The following PRKCA variants were observed in gnomAD, a reference collection of about 807,000 sequenced individuals.
PRKCA encodes protein kinase C alpha type.
Under a neutral mutation model 87.0 loss-of-function variants are expected in PRKCA, and 27 were observed. That is an observed-to-expected ratio of 0.31 (90% CI 0.23 to 0.43). The LOEUF (loss-of-function observed/expected upper bound fraction) is 0.43. Ranked by LOEUF, PRKCA falls within the 20% of genes least tolerant of loss-of-function variation. The pLI, the probability that PRKCA is intolerant of heterozygous loss-of-function variation, is 1.00. For missense variants in PRKCA, 518 were observed against 852.3 expected (o/e 0.61, Z 4.88); for synonymous variants, 329 against 311.1 (o/e 1.06, Z -0.61).
At chr17:66,474,266 C>A (rs1363047025) in intron 2 of PRKCA, among the ~76,000 whole-genome samples, 1 of 152,166 alleles carries the variant, frequency 6.6e-6, no homozygotes, top group Non-Finnish European at 1.5e-5. Context: ...TCAGAACTTT[C>A]CAGTGACATT....
intron 3 of PRKCA, among the ~76,000 whole-genome samples, chr17:66,626,304 C>T (rs1970853988): frequency 2.0e-5 from 3 of 151,454 alleles, no homozygotes; most frequent in African/African-American, 7.3e-5. Flanking sequence ...CTTCCCACCT[C>T]AGCCTCCCAA....
chr17:66,333,928 AATATAAAGTGTAAAAAAGTGC>A (rs1906504961), intron 2 of PRKCA, among the ~76,000 whole-genome samples: 1 of 152,166 alleles, frequency 6.6e-6, no homozygotes, highest in Non-Finnish European at 1.5e-5. Flanking sequence ...TAGAACACCT[AATATAAAGTGTAAAAAAGTGC>A]AAATAAAGTG....
At chr17:66,778,272 G>A (rs538678550) in intron 14 of PRKCA, 43 of 920,558 alleles carry the variant, frequency 4.7e-5, no homozygotes, top group East Asian at 1.2e-4. Flanking sequence ...CCAGCACTTC[G>A]GGAGGCCGAG....
rs773919783 is a variant in PRKCA, at chr17:66,404,742, CTTTTTTT to C, written c.206-91438_206-91432del. Among the ~76,000 whole-genome samples, 319 of 54,214 alleles carry C rather than the reference CTTTTTTT, an allele frequency of 5.9e-3. 3 individuals carry two copies. Among genetic ancestry groups the C allele is most frequent in the South Asian group, 9.7e-3 (9 of 932 alleles). The allele number at this position is 54,214 out of a possible 152,430, so 35.6% of individuals were successfully genotyped here. On this transcript the variant is annotated intron_variant, in intron 2 of 16. Transcript: ENST00000413366. ...CTGGCTGCTGGAAAGGATGGTAGGC[CTTTTTTT>C]TTTTTTTTTTTTTTTTTTTTGAGAC... is the stretch of plus-strand genomic sequence containing the variant.
intron 2 of PRKCA, among the ~76,000 whole-genome samples, chr17:66,382,052 C>T (rs1909800658): frequency 6.6e-6 from 1 of 152,034 alleles, no homozygotes; most frequent in African/African-American, 2.4e-5. Flanking sequence ...TTATGGGAAA[C>T]TTTTAGATGT....
chr17:66,360,990 A>G (rs1908356210), intron 2 of PRKCA, among the ~76,000 whole-genome samples: 1 of 151,960 alleles, frequency 6.6e-6, no homozygotes, highest in African/African-American at 2.4e-5. Context: ...GTGATTAAAA[A>G]TAGAAAAGTG....
chr17:66,387,199 A>C (rs891031498), intron 2 of PRKCA, among the ~76,000 whole-genome samples: 8 of 152,224 alleles, frequency 5.3e-5, no homozygotes, highest in Non-Finnish European at 1.2e-4. Flanking sequence ...GTAGGGCTAG[A>C]GGGCAACTGC....
chr17:66,422,346 A>G (rs1912543430), intron 2 of PRKCA, among the ~76,000 whole-genome samples: 2 of 152,156 alleles, frequency 1.3e-5, no homozygotes, highest in South Asian at 4.1e-4. Flanking sequence ...TCAGTTAATA[A>G]TTATTTGATG....
intron 3 of PRKCA, among the ~76,000 whole-genome samples, chr17:66,637,209 C>T (rs557810114): frequency 9.8e-4 from 149 of 152,230 alleles, no homozygotes; most frequent in Non-Finnish European, 1.5e-3. Context: ...TATGTGACAA[C>T]CAACTGGTAT....
rs1052791791 is a variant in PRKCA, at chr17:66,806,391, C to T, written c.*2354C>T. ...TCTGCCATCTTTTATGCACCATAGACATCGAGACTCCAGGGGGTCCTGGCT... is the reference window on the plus strand; with the variant it reads ...TCTGCCATCTTTTATGCACCATAGATATCGAGACTCCAGGGGGTCCTGGCT... On this transcript the variant is annotated 3_prime_UTR_variant, in exon 17 of 17. Transcript: ENST00000413366. 6.6e-6 allele frequency: 1 copy of T among 152,152 alleles called. No individual in the cohort carries two copies. The highest frequency in any genetic ancestry group is 1.5e-5 in the Non-Finnish European group (1 of 68,064). The allele number at this position is 152,152 out of a possible 1,614,324, so 9.4% of individuals were successfully genotyped here. A position where few individuals can be genotyped will look rare whatever the true frequency, so the allele number is the denominator to read the frequency against.
chr17:66,704,962 C>T (rs1017084905), intron 8 of PRKCA, among the ~76,000 whole-genome samples: 11 of 152,048 alleles, frequency 7.2e-5, no homozygotes, highest in African/African-American at 2.7e-4. Context: ...AAAATAAAAC[C>T]ACAAAACACA....
chr17:66,671,528 T>C (rs892023912), intron 5 of PRKCA, among the ~76,000 whole-genome samples: 14 of 152,280 alleles, frequency 9.2e-5, no homozygotes, highest in African/African-American at 3.4e-4. Context: ...TGGGTACGAA[T>C]ATTGAGGATA....
chr17:66,799,816 G>A (rs1013445249), intron 16 of PRKCA, among the ~76,000 whole-genome samples: 5 of 151,998 alleles, frequency 3.3e-5, no homozygotes, highest in African/African-American at 1.2e-4. Flanking sequence ...GCTGTGGAAG[G>A]CTCATTTATA....
chr17:66,566,975 A>G (rs553936216), intron 3 of PRKCA, among the ~76,000 whole-genome samples: 11 of 152,340 alleles, frequency 7.2e-5, no homozygotes, highest in Non-Finnish European at 4.4e-5. Context: ...TTTATCCCAT[A>G]GATAACTAAA....
intron 3 of PRKCA, among the ~76,000 whole-genome samples, chr17:66,582,035 G>A (rs1037051943): frequency 2.0e-5 from 3 of 152,166 alleles, no homozygotes; most frequent in East Asian, 1.9e-4. Context: ...GAAGAGTCAC[G>A]GAGGATCCTA....
chr17:66,519,628 C>T (rs973841269), intron 3 of PRKCA, among the ~76,000 whole-genome samples: 1 of 152,180 alleles, frequency 6.6e-6, no homozygotes, highest in Non-Finnish European at 1.5e-5. Flanking sequence ...TCTTGAAGCG[C>T]CTGGTGCTTG....
chr17:66,453,466 C>T (rs1001899602), intron 2 of PRKCA, among the ~76,000 whole-genome samples: 8 of 151,974 alleles, frequency 5.3e-5, no homozygotes, highest in South Asian at 2.1e-4. Flanking sequence ...TACAGGCGCC[C>T]GCCACCATGC....
chr17:66,793,606 A>C (rs1236605010), intron 16 of PRKCA, among the ~76,000 whole-genome samples: 4 of 151,412 alleles, frequency 2.6e-5, no homozygotes, highest in Non-Finnish European at 5.9e-5. Context: ...AAAAAAAAAA[A>C]AAAAAAAAAA....
intron 16 of PRKCA, among the ~76,000 whole-genome samples, chr17:66,798,165 C>T (rs1197335512): frequency 6.6e-6 from 1 of 152,208 alleles, no homozygotes; most frequent in Non-Finnish European, 1.5e-5. Flanking sequence ...CCCCTCAGCC[C>T]TTTAGCCTCT....
Sources: allele counts gnomAD v4.1 joint callset (sites outside exome capture counted in the v4.1 genomes callset), GRCh38; gene constraint gnomAD v4.1.1; transcripts MANE v1.5; gene names NCBI Gene and HGNC (gene_info 2026-07-23, HGNC 2026-07-21).